ITGA1: variants seen among roughly 807,000 people sequenced by gnomAD.
ITGA1 encodes integrin alpha-1.
In ITGA1, 85 loss-of-function variants were observed where a neutral mutation model predicts 145.9. The observed-to-expected ratio is 0.58, with a 90% CI of 0.49 to 0.70. The LOEUF (loss-of-function observed/expected upper bound fraction) is 0.70, where lower values mean the gene tolerates loss of function less well. Ranked by LOEUF, ITGA1 falls within the 30% of genes least tolerant of loss-of-function variation. The probability of loss-of-function intolerance (pLI) is 0.00; values close to 1 mark genes in which losing one functional copy is unlikely to be tolerated. For synonymous variants in ITGA1, 520 were observed against 495.3 expected, an observed-to-expected ratio of 1.05 and a Z score of -0.66; for missense variants, 1,351 against 1,418.7, an observed-to-expected ratio of 0.95 and a Z score of 0.77.
chr5:52,849,499 T>C lies in ITGA1; in HGVS notation c.182+14T>C. On this transcript the variant is annotated intron_variant, in intron 2 of 28. Transcript: ENST00000282588. ...AGAAGGAAAATGGTAAGCCAGTGGG[T>C]TTTGTTGTTGTTATTTACTTATTTC... The C allele has an allele frequency of 6.3e-7, 1 of 1,577,782 alleles. No individual in the cohort carries two copies. Among genetic ancestry groups the C allele is most frequent in the Non-Finnish European group, 8.6e-7 (1 of 1,156,356 alleles).
At chr5:52,827,089 CTTT>C (rs201041439) in intron 1 of ITGA1, among the ~76,000 whole-genome samples, 31,804 of 134,740 alleles carry the variant, frequency 0.24, 3,446 homozygotes, top group South Asian at 0.42. Flanking sequence ...CCATTAAGAA[CTTT>C]TTTTTTTTTT....
intron 1 of ITGA1, among the ~76,000 whole-genome samples, chr5:52,830,757 G>A (rs891526616): frequency 1.2e-4 from 18 of 152,096 alleles, no homozygotes; most frequent in African/African-American, 4.3e-4. Context: ...TGAAATAACT[G>A]ACATACAGCA....
chr5:52,908,670 G>A (rs548788413), intron 12 of ITGA1, among the ~76,000 whole-genome samples: 12 of 152,274 alleles, frequency 7.9e-5, no homozygotes, highest in African/African-American at 2.4e-4. Context: ...ACTGTCAAGC[G>A]ATGAAATCTG....
rs1751335347 is a variant in ITGA1, at chr5:52,958,589, T to G, written c.*6138T>G. On this transcript the variant is annotated 3_prime_UTR_variant, in exon 29 of 29. Transcript: ENST00000282588. ...CTGCCATTACTCAGGATGCAAGAGA[T>G]GCTCTGCATTCCTTATTAGGAAAAA... 1 of 152,212 alleles carries G rather than the reference T, an allele frequency of 6.6e-6. No homozygotes were observed. The highest frequency in any genetic ancestry group is 1.5e-5 in the Non-Finnish European group (1 of 68,046). The allele number at this position is 152,212 out of a possible 1,614,324, so 9.4% of individuals were successfully genotyped here.
chr5:52,817,192 T>C (rs1748790066), intron 1 of ITGA1, among the ~76,000 whole-genome samples: 1 of 152,212 alleles, frequency 6.6e-6, no homozygotes, highest in Non-Finnish European at 1.5e-5. Context: ...TCTTTCTTTT[T>C]GTAAAAGTCA....
rs181992158 is a variant in ITGA1 at position 52,893,232 on chromosome 5, G to C, written c.925-443G>C. On this transcript the variant is annotated intron_variant, in intron 8 of 28. Transcript: ENST00000282588. Reference sequence around the variant, plus strand: ...TTAAAATATATATGTGCTGGACTGTGCCTTGGTAATAGTTTCAGGAAGAAT... The same window carrying C: ...TTAAAATATATATGTGCTGGACTGTCCCTTGGTAATAGTTTCAGGAAGAAT... Among the ~76,000 whole-genome samples, 3 of 152,120 alleles carry C rather than the reference G, an allele frequency of 2.0e-5. No individual in the cohort carries two copies. In the East Asian group the frequency reaches 5.8e-4, roughly 29 times the overall value.
At chr5:52,816,100 C>T (rs1259481358) in intron 1 of ITGA1, among the ~76,000 whole-genome samples, 1 of 152,116 alleles carries the variant, frequency 6.6e-6, no homozygotes, top group Non-Finnish European at 1.5e-5. Context: ...AACTAAGTTA[C>T]AACCTATTGT....
chr5:52,879,395 T>C (rs543119676), intron 6 of ITGA1, among the ~76,000 whole-genome samples: 85 of 152,278 alleles, frequency 5.6e-4, no homozygotes, highest in African/African-American at 1.9e-3. Flanking sequence ...ACAGTGTTTG[T>C]TCACTTTGAT....
At chr5:52,944,661 A>T (rs1363188) in intron 26 of ITGA1, among the ~76,000 whole-genome samples, 22,742 of 152,178 alleles carry the variant, frequency 0.15, 1,708 homozygotes, top group South Asian at 0.16. Flanking sequence ...AGGTAGGCAG[A>T]GTTTGAGGTT....
At chr5:52,935,184 G>T (rs776621247) in intron 23 of ITGA1, among the ~76,000 whole-genome samples, 12 of 151,906 alleles carry the variant, frequency 7.9e-5, no homozygotes, top group Admixed American at 1.3e-4. Flanking sequence ...GTGTATCTCT[G>T]ATTATTTTGC....
chr5:52,816,982 CAA>C (rs979381157), intron 1 of ITGA1, among the ~76,000 whole-genome samples: 3 of 152,112 alleles, frequency 2.0e-5, no homozygotes, highest in African/African-American at 7.2e-5. Context: ...ACCCTAAAAG[CAA>C]AAGAGATGGA....
intron 1 of ITGA1, among the ~76,000 whole-genome samples, chr5:52,808,172 GATTAA>G (rs1360001129): frequency 6.6e-6 from 1 of 152,178 alleles, no homozygotes; most frequent in Non-Finnish European, 1.5e-5. Context: ...CTGAGGAAAA[GATTAA>G]ATTACATTCA....
At position 52,870,935 on chromosome 5, in the gene ITGA1, G is replaced by A. The variant is rs554820694; in HGVS notation, c.624+5118G>A. Among the ~76,000 whole-genome samples, 10 of 152,268 alleles carry A rather than the reference G, an allele frequency of 6.6e-5. No homozygotes were observed. In the South Asian group the frequency reaches 2.1e-3, roughly 32 times the overall value. ...TGAAAAACTTGTACATACCTATTAG[G>A]ACCTGATTCATCTTAGGATAATACC... On this transcript the variant is annotated intron_variant, in intron 6 of 28. Transcript: ENST00000282588.
At chr5:52,847,565 G>A (rs1388040144) in intron 1 of ITGA1, among the ~76,000 whole-genome samples, 1 of 151,916 alleles carries the variant, frequency 6.6e-6, no homozygotes, top group Non-Finnish European at 1.5e-5. Context: ...TGTTTGTTTG[G>A]TTTGTTTGAG....
intron 18 of ITGA1, among the ~76,000 whole-genome samples, chr5:52,923,101 T>C (rs558256301): frequency 5.4e-4 from 82 of 152,148 alleles, no homozygotes; most frequent in Non-Finnish European, 7.9e-4. Flanking sequence ...TGTGAAAACC[T>C]GGGGAATTTT....
At chr5:52,935,745 A>G (rs941871027) in intron 23 of ITGA1, among the ~76,000 whole-genome samples, 25 of 152,232 alleles carry the variant, frequency 1.6e-4, no homozygotes, top group African/African-American at 6.0e-4. Context: ...ATGCCATAGC[A>G]TAATACATTT....
chr5:52,862,510 ACT>A (rs1169221246), intron 3 of ITGA1, among the ~76,000 whole-genome samples: 2 of 151,976 alleles, frequency 1.3e-5, no homozygotes, highest in Non-Finnish European at 1.5e-5. Context: ...ATAACTTTTA[ACT>A]CTCTGCATTT....
rs73102263 is a variant in ITGA1 at position 52,845,387 on chromosome 5, C to A, written c.62-3978C>A. ...ATACCACGTTACAGAGCTGTGCTTT[C>A]CAAACCTTAATAGGCAGGGCTGCCC... On this transcript the variant is annotated intron_variant, in intron 1 of 28. Transcript: ENST00000282588. Among the ~76,000 whole-genome samples, 687 of 152,180 alleles carry A rather than the reference C, an allele frequency of 4.5e-3. 1 individual carries two copies. Among genetic ancestry groups the A allele is most frequent in the African/African-American group, 0.015 (637 of 41,518 alleles).
intron 1 of ITGA1, 79 bp from the exon 2 acceptor site, chr5:52,849,282 ACCTT>A: frequency 8.4e-7 from 1 of 1,192,104 alleles, no homozygotes; most frequent in South Asian, 2.1e-5. Flanking sequence ...TTCGATGGTA[ACCTT>A]AACCATGCCT....
Sources: allele counts gnomAD v4.1 joint callset (sites outside exome capture counted in the v4.1 genomes callset), GRCh38; gene constraint gnomAD v4.1.1; transcripts MANE v1.5; gene names NCBI Gene and HGNC (gene_info 2026-07-23, HGNC 2026-07-21).